The following SPTA1 variants were observed in gnomAD, a reference collection of about 807,000 sequenced individuals.
The protein encoded by SPTA1 is spectrin alpha, erythrocytic 1, also known as spectrin alpha chain, erythrocytic 1.
SPTA1 carries 177 observed loss-of-function variants against 324.7 expected under a neutral mutation model. That is an observed-to-expected ratio of 0.55 (90% confidence interval 0.48 to 0.62). The LOEUF (loss-of-function observed/expected upper bound fraction) is 0.62. Ranked by LOEUF, SPTA1 falls within the 20% of genes least tolerant of loss-of-function variation. The pLI is 0.00. For synonymous variants in SPTA1, 1,195 were observed against 1,041.3 expected, an observed-to-expected ratio of 1.15 and a Z score of -2.84; for missense variants, 3,162 against 2,883.6, an observed-to-expected ratio of 1.10 and a Z score of -2.21.
chr1:158,626,061 C>T (rs1051050981), intron 42 of SPTA1, 85 bp downstream of exon 42: 2 of 1,276,446 alleles, frequency 1.6e-6, no homozygotes, highest in African/African-American at 1.5e-5. Context: ...ACAATAAAAT[C>T]CCAAAATTCA....
chr1:158,671,547 G>T, intron 11 of SPTA1, 94 bp from the exon 12 acceptor site: 1 of 969,966 alleles, frequency 1.0e-6, no homozygotes, highest in Non-Finnish European at 1.6e-6. Context: ...AGGCAGGAGG[G>T]AACAAGGTGG....
chr1:158,685,541 A>G (rs535016970), intron 1 of SPTA1, among the ~76,000 whole-genome samples, 194 bp from the exon 2 acceptor site: 12 of 152,264 alleles, frequency 7.9e-5, no homozygotes, highest in Non-Finnish European at 1.0e-4. Context: ...TAGGTTAAAA[A>G]TTCTTGATTA....
Position 158,651,425 on chromosome 1 carries a change from A to C in SPTA1, c.3419T>G (p.Val1140Gly), listed in dbSNP as rs777755308. Residue 1140 changes from valine (V) to glycine (G), a missense_variant, in exon 24 of 52, where the codon GTA becomes GGA. Val to Gly is a moderately radical substitution (Grantham distance 109). Transcript: ENST00000643759. ...TCCTTCAAATAGTAGATCATCAGCT[A>C]CCTTGTTGATATCCCTTAGCCGAGG... ...NEPRLRDINK[V>G]ADDLLFEGLL... 6.2e-7 allele frequency: 1 copy of C among 1,613,932 alleles called. No homozygotes were observed. The highest frequency in any genetic ancestry group is 1.1e-5 in the South Asian group (1 of 91,082).
rs746188501 is a variant in SPTA1 at position 158,645,298 on chromosome 1, C to T, written c.4084G>A (p.Ala1362Thr). 4 of 1,614,028 alleles carry T rather than the reference C, an allele frequency of 2.5e-6. No homozygotes were observed. Among genetic ancestry groups the T allele is most frequent in the East Asian group, 2.2e-5 (1 of 44,880 alleles). The change falls in exon 29 of 52, where the codon GCT (alanine) becomes ACT (threonine). Residue 1362 changes from alanine to threonine, a missense_variant. Ala to Thr is a moderately conservative substitution (Grantham distance 58). Transcript: ENST00000643759. ...AGCTTTTTTTCAATTTCAGGGCTAGCATGGTGCCCACTGTCGATAAGTTCT... is the reference window on the plus strand; with the variant it reads ...AGCTTTTTTTCAATTTCAGGGCTAGTATGGTGCCCACTGTCGATAAGTTCT... The part of the protein sequence containing the change: ...SAELIDSGHH[A>T]SPEIEKKLQA...
rs374379436 is a variant in SPTA1, at chr1:158,636,747, C to A, written c.5204G>T (p.Arg1735Leu). ...TCTCCCATAGTCCTGGGAGCTCACT[C>A]GTATCAACTTCTCCCTAAAATCAAG... is the stretch of plus-strand genomic sequence containing the variant. ...EESWIEEKLI[R>L]VSSQDYGRDL... Residue 1735 changes from arginine (R) to leucine (L), a missense_variant, in exon 37 of 52, where the codon CGA becomes CTA. Transcript: ENST00000643759. 1.2e-6 allele frequency: 2 copies of A among 1,614,074 alleles called. No homozygotes were observed. The highest frequency in any genetic ancestry group is 2.2e-5 in the South Asian group (2 of 91,084).
rs976100095 is a variant in SPTA1, at chr1:158,674,757, G to C, written c.1113-82C>G. 9 of 1,570,938 alleles carry C rather than the reference G, an allele frequency of 5.7e-6. No individual in the cohort carries two copies. In the Admixed American group the frequency reaches 1.5e-4, roughly 26 times the overall value. The stretch of plus-strand genomic sequence containing the variant: ...GAACAAAGATTTAGGTTTGGGGTGA[G>C]GTAAGATGTGTGAGATGCTCCTTAC... On this transcript the variant is annotated intron_variant, in intron 8 of 51. Coordinates refer to ENST00000643759, the MANE Select transcript of SPTA1 (RefSeq NM_003126.4).
At chr1:158,650,481 T>C (rs952534321) in intron 24 of SPTA1, among the ~76,000 whole-genome samples, 3 of 152,202 alleles carry the variant, frequency 2.0e-5, no homozygotes, top group African/African-American at 7.2e-5. Context: ...TTATTAATGT[T>C]CATTAGATCT....
In SPTA1 at chr1:158,639,135, T is replaced by C. The variant is rs1416954368; in HGVS notation, c.4980+447A>G. 2.3e-5 allele frequency: 4 copies of C among 174,406 alleles called. No homozygotes were observed. In the East Asian group the frequency reaches 6.0e-4, roughly 26 times the overall value. The allele number at this position is 174,406 out of a possible 1,614,324, so 10.8% of individuals were successfully genotyped here. ...TTTTTATCACTGCTCTCAGCACAAA[T>C]TTTTGGTTGCTATTAGGATGCAACC... On this transcript the variant is annotated intron_variant, in intron 35 of 51. Coordinates refer to ENST00000643759, the MANE Select transcript of SPTA1 (RefSeq NM_003126.4).
In SPTA1 at chr1:158,614,401, C is replaced by T. The variant is rs535814023; in HGVS notation, c.6789-95G>A. ...TGGAAGAGAGAGGAATTTTAATGGA[C>T]AATTTGCTATTTGAGTCATCTAGTT... On this transcript the variant is annotated intron_variant, in intron 48 of 51. Transcript: ENST00000643759. 7.6e-6 allele frequency: 7 copies of T among 916,550 alleles called. No individual in the cohort carries two copies. In the Admixed American group the frequency reaches 1.3e-4, roughly 17 times the overall value. The allele number at this position is 916,550 out of a possible 1,614,324, so 56.8% of individuals were successfully genotyped here.
At chr1:158,652,319 A>G in intron 23 of SPTA1, 148 bp downstream of exon 23, 1 of 871,556 alleles carries the variant, frequency 1.1e-6, no homozygotes, top group Non-Finnish European at 1.8e-6. Flanking sequence ...CAACTACAAT[A>G]CCTAGAGGGA....
chr1:158,659,623 A>G (rs1215259563), intron 18 of SPTA1, among the ~76,000 whole-genome samples: 1 of 4,366 alleles, frequency 2.3e-4, no homozygotes, highest in Non-Finnish European at 3.2e-4. Flanking sequence ...TTTTTTTTTG[A>G]GACGGAGTCT....
In SPTA1 at chr1:158,683,430, G is replaced by T; in HGVS notation, c.331C>A (p.Leu111Met). 2 of 1,613,358 alleles carry T rather than the reference G, an allele frequency of 1.2e-6. No homozygotes were observed. The highest frequency in any genetic ancestry group is 1.7e-6 in the Non-Finnish European group (2 of 1,179,526). Reference protein sequence around the residue: ...VQTKSRLMSELEKTREERFTM... With the variant: ...VQTKSRLMSEMEKTREERFTM... ...AATCGTTCTTCCCTTGTTTTTTCCAGTTCAGACATGAGTCTTGATTTTGTT... is the reference window on the plus strand; with the variant it reads ...AATCGTTCTTCCCTTGTTTTTTCCATTTCAGACATGAGTCTTGATTTTGTT... The change falls in exon 3 of 52, where the codon CTG (leucine) becomes ATG (methionine). Residue 111 changes from leucine to methionine, a missense_variant. By Grantham distance (15) the Leu-to-Met change is conservative. Transcript: ENST00000643759.
intron 31 of SPTA1, 41 bp downstream of exon 31, chr1:158,643,281 A>G (rs573822462): frequency 6.2e-6 from 10 of 1,608,590 alleles, no homozygotes; most frequent in Admixed American, 1.7e-5. Context: ...TCAGTTTGCT[A>G]TATCTTCCTT....
chr1:158,677,099 G>A (rs1475176942), intron 7 of SPTA1, among the ~76,000 whole-genome samples: 2 of 152,078 alleles, frequency 1.3e-5, no homozygotes, highest in East Asian at 1.9e-4. Flanking sequence ...AGTAGTAATT[G>A]GTTTACGTTC....
chr1:158,647,711 G>A lies in SPTA1; in HGVS notation c.3724C>T (p.Leu1242=), dbSNP rs376742422. ...LVPLGDKVTI[L]GETAERLSES... The stretch of plus-strand genomic sequence containing the variant: ...CTGAGCCGCTCTGCTGTCTCCCCCA[G>A]TATGGTCACCTGGGGAGGTACAATA... The change falls in exon 27 of 52, where the codon CTG becomes TTG. Residue 1242 remains leucine (L), a synonymous_variant. Coordinates refer to ENST00000643759, the MANE Select transcript of SPTA1 (RefSeq NM_003126.4). 5.1e-5 allele frequency: 82 copies of A among 1,613,722 alleles called. No individual in the cohort carries two copies. The African/African-American group carries it at 1.0e-3, about 21-fold the overall frequency.
At chr1:158,651,162 G>A (rs925883966) in intron 24 of SPTA1, among the ~76,000 whole-genome samples, 1 of 152,166 alleles carries the variant, frequency 6.6e-6, no homozygotes, top group African/African-American at 2.4e-5. Flanking sequence ...AAATGAGCCT[G>A]CTTTAATTAA....
chr1:158,669,413 A>C lies in SPTA1; in HGVS notation c.1828T>G (p.Tyr610Asp), dbSNP rs1313646783. Residue 610 changes from tyrosine (Y) to aspartate (D), a missense_variant, in exon 14 of 52, where the codon TAC (tyrosine) becomes GAC (aspartate). By Grantham distance (160) the Tyr-to-Asp change is radical (BLOSUM62 -3). Transcript: ENST00000643759. ...CTCCTGAAAACTCTGCCTACCTTGT[A>C]ATCTTCATCATCTGCCAACTTTTTC... The part of the protein sequence containing the change: ...KKKKLADDED[Y>D]KDIQNLKSRV... The C allele has an allele frequency of 1.2e-6, 2 of 1,613,980 alleles. No individual in the cohort carries two copies. Among genetic ancestry groups the C allele is most frequent in the Non-Finnish European group, 1.7e-6 (2 of 1,179,966 alleles).
chr1:158,643,471 T>C lies in SPTA1; in HGVS notation c.4339-46A>G, dbSNP rs761195196. The C allele has an allele frequency of 1.7e-5, 26 of 1,573,152 alleles. No individual in the cohort carries two copies. Among genetic ancestry groups the C allele is most frequent in the Non-Finnish European group, 2.3e-5 (26 of 1,145,600 alleles). ...GAGCCCAGATGCTTGGAGATTAGGC[T>C]CTTGGTGCAATCCCAGACTCCCTCC... is the stretch of plus-strand genomic sequence containing the variant. On this transcript the variant is annotated intron_variant, in intron 30 of 51. Coordinates refer to ENST00000643759, the MANE Select transcript of SPTA1 (RefSeq NM_003126.4).
chr1:158,636,824 T>C (rs1651118497), intron 36 of SPTA1, 63 bp from the exon 37 acceptor site: 9 of 1,609,238 alleles, frequency 5.6e-6, no homozygotes, highest in Non-Finnish European at 6.8e-6. Context: ...CCTACAGCAA[T>C]AGCTTTCTAT....
Sources: gnomAD v4.1 joint callset for allele counts (sites outside exome capture counted in the v4.1 genomes callset) on GRCh38, gnomAD v4.1.1 for gene constraint, MANE v1.5 for transcripts, NCBI Gene and HGNC (gene_info 2026-07-23, HGNC 2026-07-21) for gene names.